The following IPCEF1 variants were observed in gnomAD, a reference collection of about 807,000 sequenced individuals.
IPCEF1 encodes the protein interactor protein for cytohesin exchange factors 1.
A neutral mutation model predicts 50.9 loss-of-function variants in IPCEF1; 31 were observed. The ratio of observed to expected loss-of-function variants is 0.61; its 90% CI spans 0.46 to 0.82. IPCEF1 has a LOEUF of 0.82. Ranked by LOEUF, IPCEF1 falls within the 40% of genes least tolerant of loss-of-function variation. The probability of loss-of-function intolerance (pLI) is 0.00; values close to 1 mark genes in which losing one functional copy is unlikely to be tolerated. For missense variants in IPCEF1, 458 were observed against 514.0 expected, an observed-to-expected ratio of 0.89 and a Z score of 1.05; for synonymous variants, 181 against 192.0, an observed-to-expected ratio of 0.94 and a Z score of 0.47.
chr6:154,178,074 G>C (rs1414851663), intron 10 of IPCEF1, among the ~76,000 whole-genome samples: 3 of 151,198 alleles, frequency 2.0e-5, no homozygotes, highest in Non-Finnish European at 4.4e-5. Flanking sequence ...TCACTCATAA[G>C]TGGGAGTTGA....
intron 10 of IPCEF1, among the ~76,000 whole-genome samples, chr6:154,198,734 T>A (rs984598284): frequency 6.6e-6 from 1 of 152,022 alleles, no homozygotes; most frequent in Admixed American, 6.5e-5. Flanking sequence ...AGGGTACCCA[T>A]CTGAAATTTG....
At chr6:154,260,741 G>A (rs543979253) in intron 3 of IPCEF1, among the ~76,000 whole-genome samples, 2 of 152,000 alleles carry the variant, frequency 1.3e-5, no homozygotes, top group South Asian at 4.1e-4. Flanking sequence ...AAAGTGCTGG[G>A]ATTACAGGCA....
intron 11 of IPCEF1, among the ~76,000 whole-genome samples, chr6:154,161,114 C>T (rs536099552): frequency 2.0e-5 from 3 of 152,310 alleles, no homozygotes; most frequent in African/African-American, 7.2e-5. Flanking sequence ...CATGAAGAAT[C>T]TTCCTTGCCT....
At chr6:154,310,054 A>AGT (rs1321502208) in intron 1 of IPCEF1, among the ~76,000 whole-genome samples, 7 of 152,256 alleles carry the variant, frequency 4.6e-5, no homozygotes, top group African/African-American at 1.4e-4. Flanking sequence ...GTGAGCCACC[A>AGT]CACCCGGCCG....
At chr6:154,306,099 AC>A (rs1256010530) in intron 1 of IPCEF1, among the ~76,000 whole-genome samples, 1 of 152,068 alleles carries the variant, frequency 6.6e-6, no homozygotes, top group Admixed American at 6.6e-5. Context: ...CTTCTAGAGA[AC>A]CCTAATACAT....
At chr6:154,277,147 A>G (rs1258829743) in intron 2 of IPCEF1, among the ~76,000 whole-genome samples, 1 of 152,200 alleles carries the variant, frequency 6.6e-6, no homozygotes, top group African/African-American at 2.4e-5. Context: ...AGAATCCCAC[A>G]TGGGCAGGCT....
chr6:154,329,637 G>C (rs567097820), intron 1 of IPCEF1, among the ~76,000 whole-genome samples: 1 of 140,936 alleles, frequency 7.1e-6, no homozygotes, highest in African/African-American at 2.5e-5. Context: ...GAAAGAAAAA[G>C]AAAGAAAGAA....
intron 5 of IPCEF1, among the ~76,000 whole-genome samples, chr6:154,240,522 G>GAAAAA (rs11394579): frequency 1.4e-5 from 2 of 146,504 alleles, no homozygotes; most frequent in Non-Finnish European, 3.0e-5. Context: ...TTCTTGAGCT[G>GAAAAA]AAAAAAAAAA....
chr6:154,161,512 C>A (rs927921121), intron 11 of IPCEF1, among the ~76,000 whole-genome samples: 2 of 152,144 alleles, frequency 1.3e-5, no homozygotes, highest in Admixed American at 1.3e-4. Flanking sequence ...TGCACCTGGC[C>A]TACCCAATTT....
intron 10 of IPCEF1, among the ~76,000 whole-genome samples, chr6:154,184,395 T>C (rs574594306): frequency 8.7e-4 from 133 of 152,184 alleles, no homozygotes; most frequent in African/African-American, 3.1e-3. Flanking sequence ...GATGCAGTTA[T>C]CAAAAATAAC....
intron 1 of IPCEF1, among the ~76,000 whole-genome samples, chr6:154,308,993 G>GT (rs1783007975): frequency 6.6e-6 from 1 of 151,890 alleles, no homozygotes; most frequent in Non-Finnish European, 1.5e-5. Flanking sequence ...TGGTTTTTTT[G>GT]TTTTTTTAAA....
intron 8 of IPCEF1, 174 bp from the exon 9 acceptor site, chr6:154,213,029 A>G (rs1441915848): frequency 3.4e-6 from 2 of 586,362 alleles, no homozygotes; most frequent in Admixed American, 2.8e-5. Flanking sequence ...TAAGAGGCAG[A>G]AACAAATGGC....
intron 1 of IPCEF1, among the ~76,000 whole-genome samples, chr6:154,343,187 G>C (rs1783955263): frequency 6.6e-6 from 1 of 152,138 alleles, no homozygotes; most frequent in East Asian, 1.9e-4. Flanking sequence ...ACGCCCTAAA[G>C]CTGGCCTAAT....
chr6:154,333,582 A>C (rs1431249809), intron 1 of IPCEF1, among the ~76,000 whole-genome samples: 1 of 150,088 alleles, frequency 6.7e-6, no homozygotes, highest in Non-Finnish European at 1.5e-5. Flanking sequence ...ACACACACAC[A>C]TATATATACA....
At chr6:154,212,531 A>G (rs961465380) in intron 9 of IPCEF1, among the ~76,000 whole-genome samples, 25 of 152,204 alleles carry the variant, frequency 1.6e-4, no homozygotes, top group African/African-American at 5.8e-4. Flanking sequence ...ATCCTCATGA[A>G]TTCTCTGAGT....
Position 154,229,098 on chromosome 6 carries a change from C to T in IPCEF1, c.247-5855G>A, listed in dbSNP as rs1017254797. 5.9e-5 allele frequency among the ~76,000 whole-genome samples: 9 copies of T among 152,184 alleles called. No homozygotes were observed. The South Asian group carries it at 8.3e-4, about 14-fold the overall frequency. Reference sequence around the variant, plus strand: ...CCATGTCTGCCTCCAGCCCCAGGGGCGGCCCTCCCTTACAGGACCTCTCTT... The same window carrying T: ...CCATGTCTGCCTCCAGCCCCAGGGGTGGCCCTCCCTTACAGGACCTCTCTT... On this transcript the variant is annotated intron_variant, in intron 5 of 11. Coordinates refer to ENST00000367220, the MANE Select transcript of IPCEF1 (RefSeq NM_001130700.2).
intron 9 of IPCEF1, among the ~76,000 whole-genome samples, chr6:154,200,546 C>A (rs1776980454): frequency 6.6e-6 from 1 of 152,016 alleles, no homozygotes; most frequent in Non-Finnish European, 1.5e-5. Context: ...TATGTTGAAA[C>A]CCCATCTCTA....
At chr6:154,246,841 G>A (rs553388121) in intron 4 of IPCEF1, 81 bp from the exon 5 acceptor site, 58 of 1,415,996 alleles carry the variant, frequency 4.1e-5, no homozygotes, top group Non-Finnish European at 5.2e-5. Flanking sequence ...ATGTGACAGA[G>A]TGAAAGGCAA....
intron 8 of IPCEF1, chr6:154,213,095 G>A (rs988898418): frequency 4.8e-5 from 23 of 480,282 alleles, no homozygotes; most frequent in Non-Finnish European, 7.9e-5. Flanking sequence ...AAGACAAATC[G>A]TAGCTTGGGG....
Sources: allele counts gnomAD v4.1 joint callset (sites outside exome capture counted in the v4.1 genomes callset), GRCh38; gene constraint gnomAD v4.1.1; transcripts MANE v1.5; gene names NCBI Gene and HGNC (gene_info 2026-07-23, HGNC 2026-07-21).